ZBTB44: variants seen among roughly 807,000 people sequenced by gnomAD.
The protein encoded by ZBTB44 is zinc finger and BTB domain-containing protein 44.
Under a neutral mutation model 54.0 loss-of-function variants are expected in ZBTB44, and 15 were observed. That is an observed-to-expected ratio of 0.28 (90% CI 0.19 to 0.43). The LOEUF is 0.43. ZBTB44 is among the 20% of genes least tolerant of loss of function. ZBTB44 has a pLI of 1.00. For missense variants in ZBTB44, 487 were observed against 707.1 expected (o/e 0.69, Z 3.53); for synonymous variants, 230 against 250.1 (o/e 0.92, Z 0.76).
intron 1 of ZBTB44, among the ~76,000 whole-genome samples, chr11:130,298,565 C>A (rs888109607): frequency 6.7e-6 from 1 of 150,032 alleles, no homozygotes; most frequent in African/African-American, 2.5e-5. Context: ...TGGGTTCAAG[C>A]GATTCTCCTG....
intron 1 of ZBTB44, among the ~76,000 whole-genome samples, chr11:130,271,408 A>G (rs1049600636): frequency 5.3e-5 from 8 of 152,176 alleles, no homozygotes; most frequent in African/African-American, 1.9e-4. Context: ...GCCTTCTGGA[A>G]TATCTGACCA....
At chr11:130,300,367 G>A (rs922333605) in intron 1 of ZBTB44, among the ~76,000 whole-genome samples, 14 of 152,096 alleles carry the variant, frequency 9.2e-5, no homozygotes, top group African/African-American at 3.4e-4. Flanking sequence ...AATGGTCTAT[G>A]TGTCTACCTT....
At chr11:130,251,560 C>T (rs1456120133) in intron 2 of ZBTB44, among the ~76,000 whole-genome samples, 1 of 152,156 alleles carries the variant, frequency 6.6e-6, no homozygotes, top group African/African-American at 2.4e-5. Context: ...GTCAGGTTAC[C>T]TACAGAGGGA....
chr11:130,249,806 G>A lies in ZBTB44; in HGVS notation c.1019-9910C>T, dbSNP rs149218971. ...TCGTGTGCTACATCACTAGGGCCCC[G>A]GGTTTCAAGCACAAAACTGGGCGGC... On this transcript the variant is annotated intron_variant, in intron 2 of 7. Transcript: ENST00000357899. 1.6e-3 allele frequency among the ~76,000 whole-genome samples: 240 copies of A among 152,290 alleles called. 5 individuals are homozygous for A. In the South Asian group the frequency reaches 0.034, roughly 22 times the overall value.
chr11:130,299,879 T>C (rs1189101479), intron 1 of ZBTB44, among the ~76,000 whole-genome samples: 1 of 152,216 alleles, frequency 6.6e-6, no homozygotes, highest in Non-Finnish European at 1.5e-5. Context: ...AGCAGCATTA[T>C]TCACAACAGC....
intron 1 of ZBTB44, among the ~76,000 whole-genome samples, chr11:130,263,906 C>G (rs1939059990): frequency 6.6e-6 from 1 of 152,108 alleles, no homozygotes; most frequent in Admixed American, 6.5e-5. Flanking sequence ...TATGTTACAA[C>G]TGAAAAAACT....
chr11:130,244,420 C>A (rs1954540589), intron 2 of ZBTB44, among the ~76,000 whole-genome samples: 1 of 152,096 alleles, frequency 6.6e-6, no homozygotes. Flanking sequence ...GTAATCCCAG[C>A]ACTTTGGGAG....
chr11:130,267,161 G>A (rs1309322316), intron 1 of ZBTB44, among the ~76,000 whole-genome samples: 3 of 151,950 alleles, frequency 2.0e-5, no homozygotes, highest in Non-Finnish European at 2.9e-5. Context: ...CTACTCAGGA[G>A]GCTGAGACTG....
chr11:130,276,242 A>AAAAAG lies in ZBTB44; in HGVS notation c.-56-14318_-56-14314dup, dbSNP rs1940079759. On this transcript the variant is annotated intron_variant, in intron 1 of 7. Transcript: ENST00000357899. ...CGTGAAACTCTGTCTCAAAAAAAAA[A>AAAAAG]AAAAGAAAAAAGAAATCAGAGGTTT... Among the ~76,000 whole-genome samples, 2 of 94,420 alleles carry AAAAAG rather than the reference A, an allele frequency of 2.1e-5. 1 individual carries two copies. The highest frequency in any genetic ancestry group is 4.1e-5 in the Non-Finnish European group (2 of 48,706). 61.9% of individuals were successfully genotyped at this position (94,420 alleles called of 152,430 possible).
chr11:130,296,564 A>G, intron 1 of ZBTB44: 2 of 931,994 alleles, frequency 2.1e-6, no homozygotes, highest in South Asian at 2.8e-5. Flanking sequence ...GGATGACCCT[A>G]AGGAATATAT....
chr11:130,291,780 G>T (rs979940415), intron 1 of ZBTB44, among the ~76,000 whole-genome samples: 1 of 152,124 alleles, frequency 6.6e-6, no homozygotes, highest in Admixed American at 6.5e-5. Context: ...TCCAGCATAG[G>T]TTCTTTAAAA....
intron 1 of ZBTB44, among the ~76,000 whole-genome samples, chr11:130,293,972 T>G (rs1941472082): frequency 6.6e-6 from 1 of 152,212 alleles, no homozygotes; most frequent in Middle Eastern, 3.2e-3. Flanking sequence ...GATTAGAATT[T>G]CCTCTCCTTG....
At chr11:130,296,677 A>G (rs1486979770) in intron 1 of ZBTB44, 13 of 1,048,856 alleles carry the variant, frequency 1.2e-5, no homozygotes, top group Non-Finnish European at 1.8e-5. Flanking sequence ...AAACAATCCA[A>G]GGTTCCATTA....
chr11:130,307,871 G>A (rs1294565712), intron 1 of ZBTB44, among the ~76,000 whole-genome samples: 2 of 152,114 alleles, frequency 1.3e-5, no homozygotes, highest in Non-Finnish European at 2.9e-5. Context: ...GACTACAGGT[G>A]CATGCCACCA....
chr11:130,237,136 C>T, intron 4 of ZBTB44, 43 bp from the exon 5 acceptor site: 2 of 1,451,004 alleles, frequency 1.4e-6, no homozygotes, highest in Admixed American at 2.6e-5. Context: ...CAAAAATAAA[C>T]TGAAAAGTCA....
chr11:130,233,078 A>G, intron 7 of ZBTB44: 1 of 440,626 alleles, frequency 2.3e-6, no homozygotes, highest in Non-Finnish European at 4.0e-6. Flanking sequence ...AGCACAATGA[A>G]AACATCCCCA....
chr11:130,309,693 G>A (rs536884477), intron 1 of ZBTB44, among the ~76,000 whole-genome samples: 2 of 152,070 alleles, frequency 1.3e-5, no homozygotes, highest in East Asian at 3.9e-4. Flanking sequence ...TCAGGAGCTC[G>A]AGACCAGCCT....
intron 2 of ZBTB44, among the ~76,000 whole-genome samples, chr11:130,247,361 C>T (rs759234678): frequency 8.5e-5 from 13 of 152,196 alleles, no homozygotes; most frequent in Non-Finnish European, 1.3e-4. Flanking sequence ...TTTGAGGTGC[C>T]ACCTGCCCTT....
chr11:130,238,336 A>G (rs1009292424), intron 4 of ZBTB44, 108 bp downstream of exon 4: 13 of 1,331,250 alleles, frequency 9.8e-6, no homozygotes, highest in Middle Eastern at 2.3e-4. Flanking sequence ...TTGACTTCCC[A>G]GAGTTTTTTT....
Sources: gnomAD v4.1 joint callset for allele counts (sites outside exome capture counted in the v4.1 genomes callset) on GRCh38, gnomAD v4.1.1 for gene constraint, MANE v1.5 for transcripts, NCBI Gene and HGNC (gene_info 2026-07-23, HGNC 2026-07-21) for gene names.